Variants in LLGL2 observed in about 807,000 individuals in gnomAD.
LLGL2 encodes LLGL2, scribble cell polarity complex component.
In LLGL2, 81 loss-of-function variants were observed where a neutral mutation model predicts 123.2. That is an observed-to-expected ratio of 0.66 (90% confidence interval 0.55 to 0.79). The LOEUF is 0.79. Ranked by LOEUF, LLGL2 falls within the 30% of genes least tolerant of loss-of-function variation. The pLI is 0.00. For missense variants in LLGL2, 1,273 were observed against 1,414.6 expected, an observed-to-expected ratio of 0.90 and a Z score of 1.61; for synonymous variants, 577 against 594.1, an observed-to-expected ratio of 0.97 and a Z score of 0.42.
At position 75,571,771 on chromosome 17, in the gene LLGL2, CG is replaced by C; in HGVS notation, c.2284del (p.Ala762GlnfsTer9). On this transcript the variant is annotated frameshift_variant, in exon 18 of 26. Coordinates refer to ENST00000392550, the MANE Select transcript of LLGL2 (RefSeq NM_001031803.2). LOFTEE classifies it high-confidence loss of function. ...PAERRMDEPV[R>X]AEQAKEIQLM... The stretch of plus-strand genomic sequence containing the variant: ...CGAGCGGAGAATGGATGAGCCTGTG[CG>C]GGCAGAGCAGGGTGAGTGCTGGGCA... 1 of 1,607,136 alleles carries C rather than the reference CG, an allele frequency of 6.2e-7. No individual in the cohort carries two copies.
At chr17:75,543,988 G>A (rs374166709) in intron 2 of LLGL2, among the ~76,000 whole-genome samples, 10 of 152,088 alleles carry the variant, frequency 6.6e-5, no homozygotes, top group South Asian at 2.1e-4. Flanking sequence ...GGCTGAACAC[G>A]TGATTCCTTC....
At chr17:75,545,121 G>A (rs1002699849) in intron 2 of LLGL2, among the ~76,000 whole-genome samples, 5 of 151,940 alleles carry the variant, frequency 3.3e-5, no homozygotes, top group Admixed American at 3.3e-4. Flanking sequence ...CCCTACCCCT[G>A]CCCCCTTGCA....
At chr17:75,550,953 C>T (rs1019076812) in intron 2 of LLGL2, among the ~76,000 whole-genome samples, 1 of 152,112 alleles carries the variant, frequency 6.6e-6, no homozygotes, top group African/African-American at 2.4e-5. Context: ...TAGTCCTGTT[C>T]CCAAATCCCA....
intron 1 of LLGL2, among the ~76,000 whole-genome samples, chr17:75,532,055 T>TACACACACACACACACACACAC (rs10526094): frequency 2.6e-4 from 24 of 93,756 alleles, no homozygotes; most frequent in East Asian, 7.6e-4. Context: ...TATGTATATA[T>TACACACACACACACACACACAC]ACACACACAC....
At position 75,525,777 on chromosome 17, in the gene LLGL2, G is replaced by A. The variant is rs1462643748; in HGVS notation, c.-79G>A. On this transcript the variant is annotated 5_prime_UTR_variant, in exon 1 of 26. Transcript: ENST00000392550. This position sits in a 1 kb window ranked among gnomAD's most constrained non-coding sequence, Gnocchi z 4.8. ...GCGGAGCGAGCGGGGCCGGCGGCGG[G>A]CGCCGAGGGACGCCGAGGCCTCGGG... The A allele has an allele frequency of 7.3e-5, 11 of 149,992 alleles. No homozygotes were observed. The highest frequency in any genetic ancestry group is 7.4e-5 in the Non-Finnish European group (5 of 67,208). 9.3% of individuals were successfully genotyped at this position (149,992 alleles called of 1,614,324 possible). A position where few individuals can be genotyped will look rare whatever the true frequency, so the allele number is the denominator to read the frequency against.
In LLGL2 at chr17:75,568,801, G is replaced by A. The variant is rs772129153; in HGVS notation, c.1284G>A (p.Leu428=). ...GGCCAATTGATGGTGGCACCAGCCT[G>A]ACCCCAGCCCCACCCCAGAGGGACC... ...MEWPIDGGTS[L]TPAPPQRDLL... is the part of the protein sequence containing the mutation. Residue 428 remains leucine (L), a synonymous_variant, in exon 12 of 26, where the codon CTG becomes CTA. Coordinates refer to ENST00000392550, the MANE Select transcript of LLGL2 (RefSeq NM_001031803.2). The A allele has an allele frequency of 3.0e-5, 48 of 1,601,074 alleles. No individual in the cohort carries two copies. Among genetic ancestry groups the A allele is most frequent in the Non-Finnish European group, 4.0e-5 (47 of 1,172,666 alleles).
intron 3 of LLGL2, 31 bp downstream of exon 3, chr17:75,556,174 C>T (rs889328205): frequency 3.9e-6 from 6 of 1,556,586 alleles, no homozygotes; most frequent in African/African-American, 1.3e-5. Context: ...CCCACTCGGG[C>T]AGGGCCTTGG....
At chr17:75,556,445 C>A (rs4789213) in intron 3 of LLGL2, among the ~76,000 whole-genome samples, 1 of 151,922 alleles carries the variant, frequency 6.6e-6, no homozygotes, top group Non-Finnish European at 1.5e-5. Flanking sequence ...TTTCAGGACC[C>A]TTCATGTGGT....
At chr17:75,530,004 T>C (rs1312948930) in intron 1 of LLGL2, among the ~76,000 whole-genome samples, 2 of 152,196 alleles carry the variant, frequency 1.3e-5, no homozygotes, top group African/African-American at 4.8e-5. Context: ...TTTTCACAGA[T>C]GAGAAGATGA....
chr17:75,539,090 G>A (rs916642194), intron 1 of LLGL2, among the ~76,000 whole-genome samples: 2 of 151,590 alleles, frequency 1.3e-5, no homozygotes, highest in African/African-American at 2.4e-5. Flanking sequence ...ACAGAGTTTC[G>A]CTCTGTCACC....
chr17:75,568,445 C>T (rs751211410), intron 10 of LLGL2, 31 bp from the exon 11 acceptor site: 8 of 1,603,510 alleles, frequency 5.0e-6, no homozygotes, highest in Non-Finnish European at 5.9e-6. Context: ...TCCTCCTGGC[C>T]CCGGCCCCTG....
In LLGL2 at chr17:75,557,940, A is replaced by T. The variant is rs935348231; in HGVS notation, c.174-215A>T. 8 of 632,852 alleles carry T rather than the reference A, an allele frequency of 1.3e-5. No individual in the cohort carries two copies. In the South Asian group the frequency reaches 1.3e-4, roughly 10 times the overall value. 39.2% of individuals were successfully genotyped at this position (632,852 alleles called of 1,614,324 possible). ...GCTCCCACCGGCCTGACTGGGAAAA[A>T]TCTCCCAGGGATCAGGTCACTGGCC... On this transcript the variant is annotated intron_variant, in intron 3 of 25. Transcript: ENST00000392550.
At position 75,569,963 on chromosome 17, in the gene LLGL2, G is replaced by A. The variant is rs776084658; in HGVS notation, c.1582G>A (p.Val528Met). ...YLAVAGTAGQ[V>M]LVLELNDEAA... is the part of the protein sequence containing the mutation. ...CTGAGCCACCTGCCACCCTGCGCAG[G>A]TGCTGGTACTGGAACTGAATGACGA... is the stretch of plus-strand genomic sequence containing the variant. Residue 528 changes from valine to methionine, a missense_variant and splice_region_variant, in exon 15 of 26, where the codon GTG (valine) becomes ATG (methionine). Transcript: ENST00000392550. 16 of 1,587,586 alleles carry A rather than the reference G, an allele frequency of 1.0e-5. No homozygotes were observed. In the South Asian group the frequency reaches 1.6e-4, roughly 16 times the overall value.
At chr17:75,542,390 T>C (rs2054248595) in intron 1 of LLGL2, among the ~76,000 whole-genome samples, 1 of 151,868 alleles carries the variant, frequency 6.6e-6, no homozygotes, top group Admixed American at 6.6e-5. Context: ...TCTGCTTCCT[T>C]CCCCCATCCT....
At chr17:75,535,892 C>T (rs1338306004) in intron 1 of LLGL2, among the ~76,000 whole-genome samples, 1 of 152,102 alleles carries the variant, frequency 6.6e-6, no homozygotes, top group Non-Finnish European at 1.5e-5. Context: ...CAGGTGCAGA[C>T]GTGGGTGAGT....
chr17:75,574,950 C>CCG lies in LLGL2; in HGVS notation c.*73_*74dup. On this transcript the variant is annotated 3_prime_UTR_variant, in exon 26 of 26. Transcript: ENST00000392550. ...GGCCTTTCGGGGGTCCCTGCCCCAA[C>CCG]CGGAGAGGCCGGTGCACAGGGCCCC... 1 of 1,608,034 alleles carries CCG rather than the reference C, an allele frequency of 6.2e-7. No homozygotes were observed. The highest frequency in any genetic ancestry group is 8.5e-7 in the Non-Finnish European group (1 of 1,175,150).
intron 16 of LLGL2, 80 bp from the exon 17 acceptor site, chr17:75,570,870 C>A (rs2055675418): frequency 4.7e-6 from 7 of 1,480,288 alleles, no homozygotes; most frequent in Non-Finnish European, 6.3e-6. Flanking sequence ...CCTTCCGATG[C>A]AAGGATCAGC....
chr17:75,574,122 G>A, intron 22 of LLGL2, 91 bp from the exon 23 acceptor site: 2 of 1,537,474 alleles, frequency 1.3e-6, no homozygotes, highest in Non-Finnish European at 1.8e-6. Context: ...CCTGGGCCCT[G>A]GGCTTCCACA....
At chr17:75,574,021 C>T (rs2055856335) in intron 22 of LLGL2, 41 bp downstream of exon 22, 3 of 1,550,164 alleles carry the variant, frequency 1.9e-6, no homozygotes, top group Admixed American at 2.0e-5. Context: ...CTGGGCCACA[C>T]CCGGCCCAGA....
Sources: allele counts gnomAD v4.1 joint callset (sites outside exome capture counted in the v4.1 genomes callset), GRCh38; gene constraint gnomAD v4.1.1; non-coding constraint Gnocchi (gnomAD v3.1); transcripts MANE v1.5; gene names NCBI Gene and HGNC (gene_info 2026-07-23, HGNC 2026-07-21).